Variants in CDH18 observed in about 807,000 individuals in gnomAD.
CDH18 encodes cadherin 18.
CDH18 carries 31 observed loss-of-function variants against 67.9 expected under a neutral mutation model. That is an observed-to-expected ratio of 0.46 (90% CI 0.34 to 0.62). The LOEUF (loss-of-function observed/expected upper bound fraction) is 0.62, where lower values mean the gene tolerates loss of function less well. CDH18 is among the 20% of genes least tolerant of loss of function. The pLI, the probability that CDH18 is intolerant of heterozygous loss-of-function variation, is 0.01. For synonymous variants in CDH18, 362 were observed against 347.2 expected (o/e 1.04, Z -0.48); for missense variants, 890 against 975.5 (o/e 0.91, Z 1.17).
At chr5:19,710,868 A>G (rs557567553) in intron 5 of CDH18, among the ~76,000 whole-genome samples, 3 of 152,104 alleles carry the variant, frequency 2.0e-5, no homozygotes, top group African/African-American at 7.2e-5. Flanking sequence ...CAAGGCTATC[A>G]TAACCAAACA....
At chr5:20,535,947 T>G (rs1756690983) in intron 1 of CDH18, among the ~76,000 whole-genome samples, 1 of 152,188 alleles carries the variant, frequency 6.6e-6, no homozygotes, top group Admixed American at 6.6e-5. Context: ...TTCTACTTGC[T>G]ACACTGCATC....
At chr5:19,954,445 G>T (rs916611348) in intron 2 of CDH18, among the ~76,000 whole-genome samples, 3 of 152,116 alleles carry the variant, frequency 2.0e-5, no homozygotes, top group African/African-American at 7.2e-5. Flanking sequence ...TGAAATATGA[G>T]AAATTCCTAT....
At chr5:19,819,245 AATT>A (rs1041186349) in intron 3 of CDH18, among the ~76,000 whole-genome samples, 2 of 152,104 alleles carry the variant, frequency 1.3e-5, no homozygotes, top group Non-Finnish European at 2.9e-5. Flanking sequence ...AATGTTTAAA[AATT>A]ATTATAAGAA....
At chr5:19,559,115 C>T (rs961485348) in intron 8 of CDH18, among the ~76,000 whole-genome samples, 2 of 152,074 alleles carry the variant, frequency 1.3e-5, no homozygotes, top group South Asian at 4.1e-4. Context: ...AATGTTCTAT[C>T]ATTTTTATTT....
chr5:20,298,457 A>C (rs756915235), intron 1 of CDH18, among the ~76,000 whole-genome samples: 1 of 152,148 alleles, frequency 6.6e-6, no homozygotes, highest in African/African-American at 2.4e-5. Context: ...CCTTTGGGGA[A>C]GTTGTCTATT....
At chr5:19,741,194 A>G (rs1358096526) in intron 4 of CDH18, among the ~76,000 whole-genome samples, 2 of 149,368 alleles carry the variant, frequency 1.3e-5, no homozygotes, top group Non-Finnish European at 3.0e-5. Flanking sequence ...ATCTATGTAT[A>G]TATGTATATA....
chr5:20,265,868 G>GA (rs1427727685), intron 1 of CDH18, among the ~76,000 whole-genome samples: 1 of 152,158 alleles, frequency 6.6e-6, no homozygotes, highest in Non-Finnish European at 1.5e-5. Context: ...ATGTGTTTCT[G>GA]AAAAAGATTA....
intron 5 of CDH18, among the ~76,000 whole-genome samples, chr5:19,662,735 T>G (rs1580754632): frequency 6.6e-6 from 1 of 152,042 alleles, no homozygotes; most frequent in Non-Finnish European, 1.5e-5. Flanking sequence ...ATGACTTGTA[T>G]AGTGTGTGAA....
At chr5:19,705,321 C>T (rs1281424425) in intron 5 of CDH18, among the ~76,000 whole-genome samples, 1 of 152,040 alleles carries the variant, frequency 6.6e-6, no homozygotes, top group Non-Finnish European at 1.5e-5. Flanking sequence ...ACAATTGTGC[C>T]ACAGAAAGTA....
rs139708215 is a variant in CDH18 at position 19,646,345 on chromosome 5, A to C, written c.644-33744T>G. 4.2e-3 allele frequency among the ~76,000 whole-genome samples: 636 copies of C among 152,150 alleles called. 6 individuals are homozygous for C. Among genetic ancestry groups the C allele is most frequent in the African/African-American group, 0.015 (614 of 41,526 alleles). ...TCAATAAACTTAAATTATTATTATT[A>C]CTATTTTTGAGATGGAGTCTCTCTC... On this transcript the variant is annotated intron_variant, in intron 5 of 12. Transcript: ENST00000382275.
intron 5 of CDH18, among the ~76,000 whole-genome samples, chr5:19,684,911 T>C (rs1242434617): frequency 6.6e-6 from 1 of 152,152 alleles, no homozygotes; most frequent in South Asian, 2.1e-4. Context: ...CTTCTCAGGT[T>C]GTAATATGGC....
intron 1 of CDH18, among the ~76,000 whole-genome samples, chr5:20,400,803 ATAAG>A (rs766718474): frequency 1.3e-5 from 2 of 152,174 alleles, no homozygotes; most frequent in Admixed American, 6.6e-5. Context: ...AATAAGTAAA[ATAAG>A]TAATAAGTAA....
intron 1 of CDH18, among the ~76,000 whole-genome samples, chr5:20,422,721 T>C (rs1392958807): frequency 6.6e-6 from 1 of 151,160 alleles, no homozygotes; most frequent in African/African-American, 2.5e-5. Context: ...CAATATATAA[T>C]TTCTGAAAGT....
At chr5:20,116,762 T>C (rs1307222464) in intron 2 of CDH18, among the ~76,000 whole-genome samples, 1 of 152,040 alleles carries the variant, frequency 6.6e-6, no homozygotes, top group African/African-American at 2.4e-5. Flanking sequence ...ATGTCTGCAG[T>C]TCAATGAAGG....
At chr5:19,746,239 C>T (rs1769984469) in intron 4 of CDH18, among the ~76,000 whole-genome samples, 1 of 152,162 alleles carries the variant, frequency 6.6e-6, no homozygotes, top group Non-Finnish European at 1.5e-5. Flanking sequence ...ATTAGGGTGG[C>T]TCAGGTCCTG....
At chr5:19,628,539 T>A (rs1419572336) in intron 5 of CDH18, among the ~76,000 whole-genome samples, 1 of 152,036 alleles carries the variant, frequency 6.6e-6, no homozygotes, top group Non-Finnish European at 1.5e-5. Context: ...TAGGGTTTCC[T>A]GATGTCATAG....
chr5:20,152,464 C>T (rs114682251), intron 2 of CDH18, among the ~76,000 whole-genome samples: 1,767 of 151,508 alleles, frequency 0.012, 26 homozygotes, highest in African/African-American at 0.041. Flanking sequence ...TCCTTGTAGA[C>T]GTAAAGATTA....
At chr5:20,106,550 CTTAA>C (rs1446296130) in intron 2 of CDH18, among the ~76,000 whole-genome samples, 6 of 152,088 alleles carry the variant, frequency 3.9e-5, no homozygotes, top group Non-Finnish European at 8.8e-5. Context: ...ATTTTCATGT[CTTAA>C]TTATTTGGAA....
chr5:20,423,505 C>T (rs936615387), intron 1 of CDH18, among the ~76,000 whole-genome samples: 2 of 150,604 alleles, frequency 1.3e-5, no homozygotes, highest in Non-Finnish European at 2.9e-5. Context: ...AATAAAGAAA[C>T]GCAAAATGCA....
Sources: allele counts gnomAD v4.1 joint callset (sites outside exome capture counted in the v4.1 genomes callset), GRCh38; gene constraint gnomAD v4.1.1; transcripts MANE v1.5; gene names NCBI Gene and HGNC (gene_info 2026-07-23, HGNC 2026-07-21).